The following NRP1 variants were observed in gnomAD, a reference collection of about 807,000 sequenced individuals.
NRP1 encodes the protein neuropilin 1.
NRP1 carries 35 observed loss-of-function variants against 106.7 expected under a neutral mutation model. That is an observed-to-expected ratio of 0.33 (90% CI 0.25 to 0.43). The LOEUF (loss-of-function observed/expected upper bound fraction) is 0.43, where lower values mean the gene tolerates loss of function less well. NRP1 is among the 20% of genes least tolerant of loss of function. The pLI is 1.00. For synonymous variants in NRP1, 437 were observed against 417.9 expected, an observed-to-expected ratio of 1.05 and a Z score of -0.56; for missense variants, 1,024 against 1,170.4, an observed-to-expected ratio of 0.87 and a Z score of 1.83.
intron 2 of NRP1, among the ~76,000 whole-genome samples, chr10:33,284,922 A>G (rs957104551): frequency 1.3e-5 from 2 of 152,132 alleles, no homozygotes; most frequent in Non-Finnish European, 2.9e-5. Flanking sequence ...TTTACTTTGC[A>G]CAAGCACAGA....
chr10:33,204,282 A>T (rs1837586446), intron 10 of NRP1, among the ~76,000 whole-genome samples: 1 of 152,164 alleles, frequency 6.6e-6, no homozygotes. Flanking sequence ...GTTACGGCAC[A>T]TGGAGAAACA....
At chr10:33,292,694 G>C (rs1237127180) in intron 2 of NRP1, among the ~76,000 whole-genome samples, 2 of 152,130 alleles carry the variant, frequency 1.3e-5, no homozygotes, top group Admixed American at 6.6e-5. Flanking sequence ...TATCTGTCCT[G>C]TTTGTAAAAC....
intron 4 of NRP1, among the ~76,000 whole-genome samples, chr10:33,258,003 G>A (rs1842316857): frequency 6.6e-6 from 1 of 152,150 alleles, no homozygotes. Flanking sequence ...CTGGAGGGAG[G>A]GGCCTTTAAC....
At chr10:33,188,428 A>G (rs1414848930) in intron 13 of NRP1, among the ~76,000 whole-genome samples, 1 of 152,078 alleles carries the variant, frequency 6.6e-6, no homozygotes, top group African/African-American at 2.4e-5. Context: ...CCCCTCCTTC[A>G]TACCTGTATT....
intron 2 of NRP1, among the ~76,000 whole-genome samples, chr10:33,282,694 A>C (rs1050886636): frequency 6.6e-6 from 1 of 152,184 alleles, no homozygotes; most frequent in African/African-American, 2.4e-5. Flanking sequence ...ACACCAGTTA[A>C]ATGCTTCTTC....
At chr10:33,221,397 G>C (rs376375613) in intron 8 of NRP1, among the ~76,000 whole-genome samples, 1 of 152,138 alleles carries the variant, frequency 6.6e-6, no homozygotes, top group Non-Finnish European at 1.5e-5. Flanking sequence ...CACATGCCAG[G>C]CTGTGCTACG....
chr10:33,291,196 A>G (rs141772209), intron 2 of NRP1, among the ~76,000 whole-genome samples: 24 of 152,278 alleles, frequency 1.6e-4, no homozygotes, highest in African/African-American at 5.3e-4. Context: ...ATTGTCAGCT[A>G]TTATCTGGGC....
chr10:33,221,897 G>A, intron 7 of NRP1, 34 bp from the exon 8 acceptor site: 1 of 1,581,090 alleles, frequency 6.3e-7, no homozygotes. Flanking sequence ...TTCTTTAGCA[G>A]AGGTTTTGGA....
intron 2 of NRP1, among the ~76,000 whole-genome samples, chr10:33,315,662 G>C (rs1446006095): frequency 6.6e-6 from 1 of 152,202 alleles, no homozygotes; most frequent in Non-Finnish European, 1.5e-5. Flanking sequence ...ATACAGAATA[G>C]CATAAGGAAC....
chr10:33,271,715 G>T (rs1045101327), intron 2 of NRP1, among the ~76,000 whole-genome samples: 3 of 152,246 alleles, frequency 2.0e-5, no homozygotes, highest in South Asian at 2.1e-4. Flanking sequence ...TTAACACAAA[G>T]ATAAGAGATA....
intron 2 of NRP1, among the ~76,000 whole-genome samples, chr10:33,320,381 C>T (rs1847414398): frequency 6.6e-6 from 1 of 151,410 alleles, no homozygotes; most frequent in Non-Finnish European, 1.5e-5. Context: ...CTTAACTGTG[C>T]TGCTGGGAAC....
chr10:33,197,590 G>T, intron 12 of NRP1, 60 bp downstream of exon 12: 1 of 1,341,632 alleles, frequency 7.5e-7, no homozygotes, highest in Non-Finnish European at 1.0e-6. Flanking sequence ...AGCGAGGAGC[G>T]CAGCCGCGGA....
At chr10:33,246,465 C>T (rs1841432466) in intron 6 of NRP1, among the ~76,000 whole-genome samples, 1 of 152,050 alleles carries the variant, frequency 6.6e-6, no homozygotes, top group South Asian at 2.1e-4. Flanking sequence ...AAATAGAAGT[C>T]AATGCAGAAT....
chr10:33,310,997 A>C (rs7075950), intron 2 of NRP1, among the ~76,000 whole-genome samples: 2,228 of 152,288 alleles, frequency 0.015, 45 homozygotes, highest in African/African-American at 0.051. Flanking sequence ...TCCCCTTTGA[A>C]GAGATAAGGC....
intron 6 of NRP1, among the ~76,000 whole-genome samples, chr10:33,246,245 A>G (rs897378188): frequency 6.6e-6 from 1 of 151,896 alleles, no homozygotes; most frequent in Admixed American, 6.6e-5. Flanking sequence ...TAAAAAAAAA[A>G]ACACCTTAGA....
chr10:33,208,786 G>T (rs944503985), intron 9 of NRP1, among the ~76,000 whole-genome samples: 1 of 150,578 alleles, frequency 6.6e-6, no homozygotes. Flanking sequence ...AACCATAAAA[G>T]TTCCTCAATT....
intron 2 of NRP1, among the ~76,000 whole-genome samples, chr10:33,286,147 A>T (rs140242650): frequency 9.2e-5 from 14 of 152,330 alleles, no homozygotes; most frequent in Admixed American, 5.9e-4. Context: ...GAAGACAAAA[A>T]TTTAAAGAAC....
chr10:33,202,270 T>G, intron 11 of NRP1: 1 of 160,096 alleles, frequency 6.2e-6, no homozygotes, highest in Non-Finnish European at 1.4e-5. Context: ...TCCTAGCTTT[T>G]AGGGTTTTAG....
intron 7 of NRP1, among the ~76,000 whole-genome samples, chr10:33,222,860 T>A (rs909190282): frequency 6.6e-6 from 1 of 152,196 alleles, no homozygotes; most frequent in African/African-American, 2.4e-5. Context: ...TGACTGCAAA[T>A]GTAATGCATG....
Sources: allele counts gnomAD v4.1 joint callset (sites outside exome capture counted in the v4.1 genomes callset), GRCh38; gene constraint gnomAD v4.1.1; transcripts MANE v1.5; gene names NCBI Gene and HGNC (gene_info 2026-07-23, HGNC 2026-07-21).